Variants in PRG4 observed in about 807,000 individuals in gnomAD.
The protein encoded by PRG4 is articular superficial zone protein.
PRG4 carries 61 observed loss-of-function variants against 91.2 expected under a neutral mutation model. The ratio of observed to expected loss-of-function variants is 0.67; its 90% CI spans 0.54 to 0.83. The LOEUF (loss-of-function observed/expected upper bound fraction) is 0.83. PRG4 is among the 40% of genes least tolerant of loss of function. PRG4 has a pLI of 0.00. For missense variants in PRG4, 1,564 were observed against 1,714.2 expected (o/e 0.91, Z 1.55); for synonymous variants, 576 against 614.2 (o/e 0.94, Z 0.92).
chr1:186,298,491 CTT>C (rs552065983), intron 2 of PRG4, among the ~76,000 whole-genome samples: 15 of 146,648 alleles, frequency 1.0e-4, no homozygotes, highest in African/African-American at 3.2e-4. Flanking sequence ...ATGATTTCCT[CTT>C]TTTTTTTTTT....
chr1:186,301,508 A>C, intron 3 of PRG4, 84 bp from the exon 4 acceptor site: 1 of 1,584,148 alleles, frequency 6.3e-7, no homozygotes, highest in Non-Finnish European at 8.6e-7. Flanking sequence ...AACCTAGTCA[A>C]GTCTAAGGTG....
chr1:186,310,914 T>C, intron 8 of PRG4, 120 bp from the exon 9 acceptor site: 1 of 1,098,212 alleles, frequency 9.1e-7, no homozygotes. Context: ...CTACCTTTTG[T>C]ATCTGACTAA....
Position 186,306,835 on chromosome 1 carries a change from G to A in PRG4, c.1116G>A (p.Lys372=). Residue 372 remains lysine (K), a synonymous_variant, in exon 7 of 13, where the codon AAG becomes AAA. Coordinates refer to ENST00000445192, the MANE Select transcript of PRG4 (RefSeq NM_005807.6). ...TPKEPTPTTI[K]SAPTTPKEPA... Reference sequence around the variant, plus strand: ...AAGAGCCCACACCTACCACCATCAAGTCTGCACCCACCACCCCCAAGGAGC... The same window carrying A: ...AAGAGCCCACACCTACCACCATCAAATCTGCACCCACCACCCCCAAGGAGC... 1 of 1,610,342 alleles carries A rather than the reference G, an allele frequency of 6.2e-7. No individual in the cohort carries two copies. Among genetic ancestry groups the A allele is most frequent in the Non-Finnish European group, 8.5e-7 (1 of 1,178,916 alleles).
rs751637798 is a variant in PRG4, at chr1:186,311,273, ACT to A, written c.3636+106_3636+107del. On this transcript the variant is annotated intron_variant, in intron 9 of 12. Transcript: ENST00000445192. ...ACCTCCAATATGTGTCCTTTTAAAT[ACT>A]CTGTCATCAAAATTTAATCATAATT... is the stretch of plus-strand genomic sequence containing the variant. 603 of 1,426,974 alleles carry A rather than the reference ACT, an allele frequency of 4.2e-4. 2 individuals carry two copies. Among genetic ancestry groups the A allele is most frequent in the Middle Eastern group, 2.7e-3 (13 of 4,788 alleles). The allele number at this position is 1,426,974 out of a possible 1,614,324, so 88.4% of individuals were successfully genotyped here.
Position 186,306,598 on chromosome 1 carries a change from TAA to T in PRG4, c.881_882del (p.Lys294ThrfsTer5). 1 of 1,613,406 alleles carries T rather than the reference TAA, an allele frequency of 6.2e-7. No individual in the cohort carries two copies. Among genetic ancestry groups the T allele is most frequent in the South Asian group, 1.1e-5 (1 of 91,078 alleles). On this transcript the variant is annotated frameshift_variant, in exon 7 of 13. Transcript: ENST00000445192. LOFTEE classifies it high-confidence loss of function. ...VETKETTTTN[K>X]QTSTDGKEKT... ...AAACTAAAGAAACTACTACAACAAA[TAA>T]ACAGACTTCAACTGATGGAAAAGAG... is the stretch of plus-strand genomic sequence containing the variant.
chr1:186,309,800 CA>C lies in PRG4; in HGVS notation c.3431del (p.Asn1144IlefsTer8), dbSNP rs760116930. On this transcript the variant is annotated frameshift_variant, in exon 8 of 13. Coordinates refer to ENST00000445192, the MANE Select transcript of PRG4 (RefSeq NM_005807.6). LOFTEE classifies it high-confidence loss of function. The stretch of plus-strand genomic sequence containing the variant: ...TTTTGTTAATTTGTTTAGATGAGAC[CA>C]ATATATGCAATGGTAAGCCAGTAGA... ...IINPMLSDETNICNGKPVDGL... is the reference protein window; with the variant it reads ...IINPMLSDETXICNGKPVDGL... 1 of 1,611,524 alleles carries C rather than the reference CA, an allele frequency of 6.2e-7. No homozygotes were observed. Among genetic ancestry groups the C allele is most frequent in the Non-Finnish European group, 8.5e-7 (1 of 1,177,908 alleles).
rs1164435186 is a variant in PRG4 at position 186,304,922 on chromosome 1, G to A, written c.598G>A (p.Val200Ile). 1 of 1,612,556 alleles carries A rather than the reference G, an allele frequency of 6.2e-7. No homozygotes were observed. The highest frequency in any genetic ancestry group is 8.5e-7 in the Non-Finnish European group (1 of 1,179,198). ...ANRELQKKLK[V>I]KDNKKNRTKK... ...TAGAGAATTACAGAAGAAACTCAAA[G>A]GTTTGAGCATTGATAAAGATCAAAG... The change falls in exon 6 of 13, where the codon GTA becomes ATA. Residue 200 changes from valine (V) to isoleucine (I), a missense_variant and splice_region_variant. By Grantham distance (29) the Val-to-Ile change is conservative. Around this residue, in one of 3 missense-constraint regions of PRG4, gnomAD observed 437 missense variants for 459.0 expected, o/e 0.95. Coordinates refer to ENST00000445192, the MANE Select transcript of PRG4 (RefSeq NM_005807.6).
In PRG4 at chr1:186,308,325, T is replaced by C. The variant is rs868013528; in HGVS notation, c.2606T>C (p.Ile869Thr). Residue 869 changes from isoleucine to threonine, a missense_variant, in exon 7 of 13, where the codon ATC becomes ACC. This residue lies in a region of PRG4 where 1,079 missense variants were observed against 1,162.2 expected (regional missense o/e 0.93). Transcript: ENST00000445192. ...ACTACCACCAAGGAGCCTACCACTA[T>C]CCACAAAAGCCCTGATGAATCAACT... ...TPTTTKEPTT[I>T]HKSPDESTPE... The C allele has an allele frequency of 1.4e-5, 23 of 1,613,846 alleles. No homozygotes were observed. In the Middle Eastern group the frequency reaches 6.6e-4, roughly 46 times the overall value.
rs1466265184 is a variant in PRG4, at chr1:186,314,546, T to C, written c.*768T>C. 3.8e-6 allele frequency: 4 copies of C among 1,046,140 alleles called. No individual in the cohort carries two copies. Among genetic ancestry groups the C allele is most frequent in the Middle Eastern group, 2.2e-4 (1 of 4,630 alleles). The allele number at this position is 1,046,140 out of a possible 1,614,324, so 64.8% of individuals were successfully genotyped here. A position where few individuals can be genotyped will look rare whatever the true frequency, so the allele number is the denominator to read the frequency against. ...ACTTTGGAACATTAAAAAAATAAAT[T>C]GGAGGCTTAAGGATTAGAAAACTTG... On this transcript the variant is annotated 3_prime_UTR_variant, in exon 13 of 13. Coordinates refer to ENST00000445192, the MANE Select transcript of PRG4 (RefSeq NM_005807.6).
At chr1:186,309,242 T>A in intron 7 of PRG4, 102 bp downstream of exon 7, 1 of 1,201,410 alleles carries the variant, frequency 8.3e-7, no homozygotes, top group Non-Finnish European at 1.2e-6. Flanking sequence ...TGAGATATAT[T>A]ACCTGACCTT....
chr1:186,297,250 T>G (rs1198935913), intron 2 of PRG4, among the ~76,000 whole-genome samples: 2 of 152,216 alleles, frequency 1.3e-5, no homozygotes, highest in Non-Finnish European at 2.9e-5. Context: ...ATGCTGGAGC[T>G]ATATAGTATC....
At position 186,307,640 on chromosome 1, in the gene PRG4, G is replaced by T. The variant is rs767007755; in HGVS notation, c.1921G>T (p.Ala641Ser). The change falls in exon 7 of 13, where the codon GCA (alanine) becomes TCA (serine). Residue 641 changes from alanine to serine, a missense_variant. By Grantham distance (99) the Ala-to-Ser change is moderately conservative. Coordinates refer to ENST00000445192, the MANE Select transcript of PRG4 (RefSeq NM_005807.6). ...KLAPTTPEKP[A>S]PTTPEELAPT... ...CGCACCCACCACCCCTGAGAAGCCC[G>T]CACCCACCACCCCTGAGGAGCTCGC... The T allele has an allele frequency of 3.4e-6, 4 of 1,164,752 alleles. No homozygotes were observed. Among genetic ancestry groups the T allele is most frequent in the Non-Finnish European group, 4.3e-6 (4 of 925,722 alleles). The allele number at this position is 1,164,752 out of a possible 1,614,324, so 72.2% of individuals were successfully genotyped here. A position where few individuals can be genotyped will look rare whatever the true frequency, so the allele number is the denominator to read the frequency against.
Position 186,307,410 on chromosome 1 carries a change from C to T in PRG4, c.1691C>T (p.Thr564Ile). Residue 564 changes from threonine (T) to isoleucine (I), a missense_variant, in exon 7 of 13, where the codon ACT (threonine) becomes ATT (isoleucine). Physicochemically the swap from Thr to Ile is moderately conservative, Grantham distance 89 (BLOSUM62 -1). Coordinates refer to ENST00000445192, the MANE Select transcript of PRG4 (RefSeq NM_005807.6). The part of the protein sequence containing the change: ...PTTTKEPAPT[T>I]PKEPAPTTPK... ...ACCACCAAGGAGCCTGCACCCACCACTCCCAAGGAGCCTGCACCCACCACC... is the reference window on the plus strand; with the variant it reads ...ACCACCAAGGAGCCTGCACCCACCATTCCCAAGGAGCCTGCACCCACCACC... 1.3e-6 allele frequency: 2 copies of T among 1,599,748 alleles called. No homozygotes were observed. Among genetic ancestry groups the T allele is most frequent in the East Asian group, 2.3e-5 (1 of 43,964 alleles).
chr1:186,307,933 C>T lies in PRG4; in HGVS notation c.2214C>T (p.Thr738=), dbSNP rs1263197979. ...CCAAGGAGCTTGCACCCACCACCAC[C>T]AAGGAGCCCACATCCACCACCTCTG... ...PAPKELAPTT[T]KEPTSTTSDK... Residue 738 remains threonine, a synonymous_variant, in exon 7 of 13, where the codon ACC becomes ACT. Coordinates refer to ENST00000445192, the MANE Select transcript of PRG4 (RefSeq NM_005807.6). 6.2e-7 allele frequency: 1 copy of T among 1,607,270 alleles called. No homozygotes were observed. The highest frequency in any genetic ancestry group is 1.7e-4 in the Middle Eastern group (1 of 6,034).
chr1:186,310,897 T>G, intron 8 of PRG4, 137 bp from the exon 9 acceptor site: 1 of 948,260 alleles, frequency 1.1e-6, no homozygotes, highest in Non-Finnish European at 1.6e-6. Flanking sequence ...TCAGAAATGT[T>G]CAAATACTAC....
chr1:186,304,425 A>G (rs900613332), intron 5 of PRG4, among the ~76,000 whole-genome samples, 168 bp downstream of exon 5: 1 of 152,232 alleles, frequency 6.6e-6, no homozygotes, highest in Non-Finnish European at 1.5e-5. Context: ...AAGACAAAGT[A>G]TAAACTCTCA....
chr1:186,297,203 G>A (rs530473342), intron 2 of PRG4, among the ~76,000 whole-genome samples: 11 of 152,112 alleles, frequency 7.2e-5, no homozygotes, highest in South Asian at 2.1e-4. Flanking sequence ...TGGTTCTCTC[G>A]AAAGTTTAAA....
At chr1:186,312,130 TA>T (rs1337399320) in intron 10 of PRG4, 44 bp from the exon 11 acceptor site, 1 of 1,566,582 alleles carries the variant, frequency 6.4e-7, no homozygotes. Context: ...CTGAGGGTAT[TA>T]AAATTAATTT....
Position 186,307,524 on chromosome 1 carries a change from C to T in PRG4, c.1805C>T (p.Pro602Leu), listed in dbSNP as rs574723579. 5 of 1,574,506 alleles carry T rather than the reference C, an allele frequency of 3.2e-6. No homozygotes were observed. Among genetic ancestry groups the T allele is most frequent in the Middle Eastern group, 3.4e-4 (2 of 5,842 alleles). ...PAPTTTKKPAPTTPKEPAPTT... is the reference protein window; with the variant it reads ...PAPTTTKKPALTTPKEPAPTT... The stretch of plus-strand genomic sequence containing the variant: ...CCCACCACCACCAAGAAGCCTGCAC[C>T]CACCACTCCCAAAGAGCCTGCCCCA... The change falls in exon 7 of 13, where the codon CCC becomes CTC. Residue 602 changes from proline (P) to leucine (L), a missense_variant. Physicochemically the swap from Pro to Leu is moderately conservative, Grantham distance 98 (BLOSUM62 -3). Transcript: ENST00000445192.
Sources: gnomAD v4.1 joint callset for allele counts (sites outside exome capture counted in the v4.1 genomes callset) on GRCh38, gnomAD v4.1.1 for gene constraint, gnomAD v4.1.1 regional missense constraint, MANE v1.5 for transcripts, NCBI Gene and HGNC (gene_info 2026-07-23, HGNC 2026-07-21) for gene names.